PRKCE: variants seen among roughly 807,000 people sequenced by gnomAD.
The protein encoded by PRKCE is protein kinase C epsilon.
Under a neutral mutation model 85.4 loss-of-function variants are expected in PRKCE, and 16 were observed. The observed-to-expected ratio is 0.19, with a 90% CI of 0.13 to 0.28. The LOEUF (loss-of-function observed/expected upper bound fraction) is 0.28. Ranked by LOEUF, PRKCE falls within the 10% of genes least tolerant of loss-of-function variation. The pLI is 1.00. For missense variants in PRKCE, 573 were observed against 975.2 expected (o/e 0.59, Z 5.49); for synonymous variants, 388 against 371.5 (o/e 1.04, Z -0.51).
intron 1 of PRKCE, among the ~76,000 whole-genome samples, chr2:45,803,866 C>G (rs1688050663): frequency 6.6e-6 from 1 of 152,104 alleles, no homozygotes; most frequent in South Asian, 2.1e-4. Context: ...GTGGGGGCTC[C>G]ATGAAATAGT....
chr2:45,682,793 C>T (rs1318122246), intron 1 of PRKCE, among the ~76,000 whole-genome samples: 1 of 152,020 alleles, frequency 6.6e-6, no homozygotes, highest in Non-Finnish European at 1.5e-5. Flanking sequence ...CATCATGTTT[C>T]AACTCCTGAC....
intron 1 of PRKCE, among the ~76,000 whole-genome samples, chr2:45,841,169 C>G (rs929794396): frequency 6.6e-6 from 1 of 152,122 alleles, no homozygotes; most frequent in Admixed American, 6.5e-5. Flanking sequence ...TCAGTGTTCT[C>G]TAGAGGGACA....
At chr2:46,114,077 T>A (rs1171236404) in intron 11 of PRKCE, among the ~76,000 whole-genome samples, 1 of 152,166 alleles carries the variant, frequency 6.6e-6, no homozygotes, top group South Asian at 2.1e-4. Context: ...ATTTTTAATG[T>A]CTGAACATCT....
chr2:46,069,295 T>A (rs966038043), intron 10 of PRKCE, among the ~76,000 whole-genome samples: 1 of 152,200 alleles, frequency 6.6e-6, no homozygotes, highest in African/African-American at 2.4e-5. Flanking sequence ...ACTATTGAAG[T>A]TGAAATTACA....
At chr2:45,949,333 A>T (rs1700453947) in intron 2 of PRKCE, among the ~76,000 whole-genome samples, 1 of 147,578 alleles carries the variant, frequency 6.8e-6, no homozygotes, top group South Asian at 2.1e-4. Context: ...TTTAATTTGT[A>T]TTGCCCTGAT....
At position 45,652,432 on chromosome 2, in the gene PRKCE, G is replaced by A; in HGVS notation, c.332G>A (p.Arg111His). The change falls in exon 1 of 15, where the codon CGC becomes CAC. Residue 111 changes from arginine (R) to histidine (H), a missense_variant. Physicochemically the swap from Arg to His is conservative, Grantham distance 29. Around this residue, in one of 11 missense-constraint regions of PRKCE, gnomAD observed 100 missense variants for 177.1 expected, o/e 0.56. Coordinates refer to ENST00000306156, the MANE Select transcript of PRKCE (RefSeq NM_005400.3). This position sits in a 1 kb window ranked among gnomAD's most constrained non-coding sequence, Gnocchi z 7.7. ...QFEELLQNGS[R>H]HFEDWIDLEP... ...GAGGAGCTGCTGCAGAACGGGAGCC[G>A]CCACTTCGAGGACTGGGTGAGTGCG... 6.2e-7 allele frequency: 1 copy of A among 1,608,212 alleles called. No individual in the cohort carries two copies. The highest frequency in any genetic ancestry group is 8.5e-7 in the Non-Finnish European group (1 of 1,178,922).
chr2:46,101,202 C>T (rs1207420714), intron 11 of PRKCE, among the ~76,000 whole-genome samples: 3 of 152,164 alleles, frequency 2.0e-5, no homozygotes, highest in African/African-American at 7.2e-5. Flanking sequence ...ACCAGAGAGA[C>T]AGTCTCTGCC....
At chr2:45,867,894 C>A (rs1693735412) in intron 2 of PRKCE, among the ~76,000 whole-genome samples, 1 of 152,172 alleles carries the variant, frequency 6.6e-6, no homozygotes, top group Admixed American at 6.5e-5. Flanking sequence ...TGCAGGACAG[C>A]CCCTTGGGAA....
At chr2:46,071,436 C>T (rs1423444266) in intron 10 of PRKCE, among the ~76,000 whole-genome samples, 1 of 152,162 alleles carries the variant, frequency 6.6e-6, no homozygotes, top group Non-Finnish European at 1.5e-5. Flanking sequence ...GAAGTAGCTA[C>T]TATTGAATCT....
At chr2:45,981,192 TA>T (rs1244114717) in intron 5 of PRKCE, among the ~76,000 whole-genome samples, 1 of 152,214 alleles carries the variant, frequency 6.6e-6, no homozygotes, top group Non-Finnish European at 1.5e-5. Context: ...ACTGATAGAT[TA>T]AAAAACCTTT....
chr2:45,907,730 A>C lies in PRKCE; in HGVS notation c.412+64667A>C, dbSNP rs1403526080. On this transcript the variant is annotated intron_variant, in intron 2 of 14. Coordinates refer to ENST00000306156, the MANE Select transcript of PRKCE (RefSeq NM_005400.3). The surrounding 1 kb of genome is among the most constrained non-coding windows in gnomAD (Gnocchi z 4.5). ...GAGCACAGCACCACTGCGCAGCTGT[A>C]GTACCTGAGGGCGTGACTGAGCCAA... Among the ~76,000 whole-genome samples the C allele has an allele frequency of 2.0e-5, 3 of 152,192 alleles. No homozygotes were observed. Among genetic ancestry groups the C allele is most frequent in the Non-Finnish European group, 2.9e-5 (2 of 68,026 alleles).
chr2:45,953,170 A>G (rs554869758), intron 2 of PRKCE, among the ~76,000 whole-genome samples: 1 of 152,336 alleles, frequency 6.6e-6, no homozygotes, highest in East Asian at 1.9e-4. Context: ...GGTCCAGGCA[A>G]ATGCATCTGT....
intron 1 of PRKCE, among the ~76,000 whole-genome samples, chr2:45,716,686 GAAGAGA>G: frequency 7.8e-6 from 1 of 128,404 alleles, no homozygotes; most frequent in Admixed American, 8.3e-5. Context: ...AGAAGAAGAA[GAAGAGA>G]AGGAAGGAAG....
At chr2:45,958,678 T>G (rs1701148774) in intron 2 of PRKCE, among the ~76,000 whole-genome samples, 1 of 149,162 alleles carries the variant, frequency 6.7e-6, no homozygotes, top group Non-Finnish European at 1.5e-5. Context: ...CTATGAGTTT[T>G]AATTTTCTAT....
chr2:45,706,013 G>C (rs1679090268), intron 1 of PRKCE, among the ~76,000 whole-genome samples: 1 of 152,178 alleles, frequency 6.6e-6, no homozygotes, highest in African/African-American at 2.4e-5. Flanking sequence ...AGCCAACAAA[G>C]GGACCTGGTC....
At chr2:45,654,568 C>G (rs1675293138) in intron 1 of PRKCE, among the ~76,000 whole-genome samples, 1 of 152,242 alleles carries the variant, frequency 6.6e-6, no homozygotes, top group African/African-American at 2.4e-5. Context: ...GCCTCCCAGC[C>G]TATTCTCCCT....
intron 2 of PRKCE, among the ~76,000 whole-genome samples, chr2:45,972,735 A>T (rs1702189298): frequency 6.6e-6 from 1 of 152,204 alleles, no homozygotes; most frequent in Non-Finnish European, 1.5e-5. Context: ...TTTCCATTGT[A>T]TATTCTTGGC....
At chr2:45,866,882 C>A (rs1451616808) in intron 2 of PRKCE, among the ~76,000 whole-genome samples, 2 of 152,124 alleles carry the variant, frequency 1.3e-5, no homozygotes, top group East Asian at 3.8e-4. Flanking sequence ...ATTGGCTATG[C>A]GTTAATAATT....
chr2:46,013,688 T>C (rs1705878113), intron 10 of PRKCE, among the ~76,000 whole-genome samples: 1 of 152,228 alleles, frequency 6.6e-6, no homozygotes, highest in Admixed American at 6.5e-5. Flanking sequence ...TATTAAGATT[T>C]CTTTCATGCT....
Sources: allele counts gnomAD v4.1 joint callset (sites outside exome capture counted in the v4.1 genomes callset), GRCh38; gene constraint gnomAD v4.1.1; regional missense constraint gnomAD v4.1.1; non-coding constraint Gnocchi (gnomAD v3.1); transcripts MANE v1.5; gene names NCBI Gene and HGNC (gene_info 2026-07-23, HGNC 2026-07-21).